BAZ2B: variants seen among roughly 807,000 people sequenced by gnomAD.
The protein encoded by BAZ2B is bromodomain adjacent to zinc finger domain protein 2B.
BAZ2B carries 91 observed loss-of-function variants against 246.0 expected under a neutral mutation model. The ratio of observed to expected loss-of-function variants is 0.37; its 90% CI spans 0.31 to 0.44. The LOEUF (loss-of-function observed/expected upper bound fraction) is 0.44. Among genes scored for constraint, BAZ2B ranks in the 20% least tolerant of loss-of-function variants. The probability of loss-of-function intolerance (pLI) is 1.00; values close to 1 mark genes in which losing one functional copy is unlikely to be tolerated. For synonymous variants in BAZ2B, 855 were observed against 860.0 expected, an observed-to-expected ratio of 0.99 and a Z score of 0.10; for missense variants, 2,332 against 2,533.7, an observed-to-expected ratio of 0.92 and a Z score of 1.71.
intron 2 of BAZ2B, among the ~76,000 whole-genome samples, chr2:159,547,056 A>C (rs1024327595): frequency 1.3e-5 from 2 of 152,200 alleles, no homozygotes; most frequent in African/African-American, 4.8e-5. Flanking sequence ...GGAAATATTC[A>C]GTGGTAAGGG....
rs1242147100 is a variant in BAZ2B at position 159,462,615 on chromosome 2, C to G, written c.146-8814G>C. ...GCGTCATTCGAAACAGTTAGCGAAT[C>G]CTGTACATCTTTATGACTAACCAAC... On this transcript the variant is annotated intron_variant, in intron 3 of 36. Transcript: ENST00000392783. The G allele has an allele frequency of 1.1e-5, 10 of 898,536 alleles. No individual in the cohort carries two copies. In the Admixed American group the frequency reaches 1.4e-4, roughly 12 times the overall value. 55.7% of individuals were successfully genotyped at this position (898,536 alleles called of 1,614,324 possible). A position where few individuals can be genotyped will look rare whatever the true frequency, so the allele number is the denominator to read the frequency against.
At position 159,337,680 on chromosome 2, in the gene BAZ2B, T is replaced by C; in HGVS notation, c.5547A>G (p.Gly1849=). Residue 1849 remains glycine, a synonymous_variant, in exon 32 of 37, where the codon GGA becomes GGG. Transcript: ENST00000392783. The stretch of plus-strand genomic sequence containing the variant: ...TGCTTTCGTCTTCGCCAGTAAATTC[T>C]CCATCATGCTCCTTGCACAATTTAG... ...SFTKLCKEHD[G]EFTGEDESSA... The C allele has an allele frequency of 1.9e-6, 3 of 1,614,220 alleles. No individual in the cohort carries two copies. The highest frequency in any genetic ancestry group is 2.5e-6 in the Non-Finnish European group (3 of 1,180,032).
chr2:159,652,218 T>C, the BAZ2B span, among the ~76,000 whole-genome samples: 1 of 152,022 alleles, frequency 6.6e-6, no homozygotes, highest in East Asian at 1.9e-4. Flanking sequence ...TCTCTTTTTT[T>C]TTTTTTTTGA....
chr2:159,359,582 G>A (rs1367439499), intron 27 of BAZ2B, among the ~76,000 whole-genome samples: 3 of 152,162 alleles, frequency 2.0e-5, no homozygotes, highest in African/African-American at 4.8e-5. Context: ...TAGAAAAGGA[G>A]GGACTCCTTC....
chr2:159,483,503 G>A (rs13017222), intron 2 of BAZ2B, among the ~76,000 whole-genome samples: 13,862 of 152,212 alleles, frequency 0.091, 825 homozygotes, highest in South Asian at 0.19. Flanking sequence ...TAGGCTTGGC[G>A]CGGTGGCTCA....
the BAZ2B span, among the ~76,000 whole-genome samples, chr2:159,666,178 TTAAG>T: frequency 6.6e-6 from 1 of 152,118 alleles, no homozygotes; most frequent in Admixed American, 6.5e-5. Flanking sequence ...TTTCATTTTA[TTAAG>T]TGTGTTTTCA....
chr2:159,493,428 C>T (rs1386428609), intron 2 of BAZ2B, among the ~76,000 whole-genome samples: 1 of 152,076 alleles, frequency 6.6e-6, no homozygotes, highest in South Asian at 2.1e-4. Flanking sequence ...CTGAGTAACT[C>T]GACTATTAAA....
At chr2:159,345,903 T>A (rs1349798326) in intron 31 of BAZ2B, among the ~76,000 whole-genome samples, 1 of 152,242 alleles carries the variant, frequency 6.6e-6, no homozygotes, top group Admixed American at 6.5e-5. Context: ...ATACTGATGA[T>A]TCTGTGCCAC....
chr2:159,598,872 A>G (rs1453685061), intron 1 of BAZ2B, among the ~76,000 whole-genome samples: 1 of 151,882 alleles, frequency 6.6e-6, no homozygotes, highest in African/African-American at 2.4e-5. Context: ...ATAAATAAAT[A>G]AAATATAGCT....
intron 1 of BAZ2B, among the ~76,000 whole-genome samples, chr2:159,613,005 T>C (rs998998009): frequency 3.3e-5 from 5 of 152,166 alleles, no homozygotes; most frequent in Non-Finnish European, 5.9e-5. Context: ...AGTTGAATAC[T>C]TTAAGCTATT....
intron 1 of BAZ2B, among the ~76,000 whole-genome samples, chr2:159,605,034 G>T (rs1693129458): frequency 6.6e-6 from 1 of 150,376 alleles, no homozygotes; most frequent in Non-Finnish European, 1.5e-5. Flanking sequence ...ATGCACAGGA[G>T]AGAGAAAGAG....
At chr2:159,570,096 T>G (rs1003726546) in intron 1 of BAZ2B, among the ~76,000 whole-genome samples, 1 of 152,184 alleles carries the variant, frequency 6.6e-6, no homozygotes, top group Admixed American at 6.5e-5. Flanking sequence ...GATTCTTATC[T>G]ATGGTTTAAA....
At chr2:159,704,753 A>C in the BAZ2B span, among the ~76,000 whole-genome samples, 1 of 151,856 alleles carries the variant, frequency 6.6e-6, no homozygotes, top group African/African-American at 2.4e-5. Flanking sequence ...AAGTGTTAGG[A>C]TTAGAGGCGT....
chr2:159,468,764 G>A (rs966340123), intron 3 of BAZ2B, among the ~76,000 whole-genome samples: 1 of 152,152 alleles, frequency 6.6e-6, no homozygotes, highest in East Asian at 1.9e-4. Flanking sequence ...GTAGGAAAAG[G>A]CCTTGTGCGG....
chr2:159,685,152 G>C, the BAZ2B span, among the ~76,000 whole-genome samples: 9 of 152,058 alleles, frequency 5.9e-5, no homozygotes, highest in African/African-American at 9.7e-5. Context: ...CTTTTCATAA[G>C]AAGAACAAAA....
At chr2:159,439,264 G>A in intron 6 of BAZ2B, 52 bp from the exon 7 acceptor site, 1 of 1,471,196 alleles carries the variant, frequency 6.8e-7, no homozygotes, top group Non-Finnish European at 9.3e-7. Context: ...AAACATTCAA[G>A]TTTCAATAAA....
chr2:159,598,166 G>C (rs1323080152), intron 1 of BAZ2B, among the ~76,000 whole-genome samples: 1 of 151,918 alleles, frequency 6.6e-6, no homozygotes, highest in African/African-American at 2.4e-5. Context: ...GCTCATTTTT[G>C]TATTTTTAGT....
intron 1 of BAZ2B, among the ~76,000 whole-genome samples, chr2:159,585,236 G>A (rs945285069): frequency 7.9e-5 from 12 of 152,176 alleles, no homozygotes; most frequent in African/African-American, 2.9e-4. Context: ...AAGATGCTTC[G>A]TCAGTGTGCA....
the BAZ2B span, among the ~76,000 whole-genome samples, chr2:159,688,289 A>C: frequency 6.6e-6 from 1 of 152,100 alleles, no homozygotes; most frequent in Non-Finnish European, 1.5e-5. Flanking sequence ...CAGCTTCCCA[A>C]AATGCTGGGA....
Sources: gnomAD v4.1 joint callset for allele counts (sites outside exome capture counted in the v4.1 genomes callset) on GRCh38, gnomAD v4.1.1 for gene constraint, MANE v1.5 for transcripts, NCBI Gene and HGNC (gene_info 2026-07-23, HGNC 2026-07-21) for gene names.